EPB41L3: variants seen among roughly 807,000 people sequenced by gnomAD.
EPB41L3 encodes erythrocyte membrane protein band 4.1 like 3, also known as band 4.1-like protein 3.
A neutral mutation model predicts 127.1 loss-of-function variants in EPB41L3; 57 were observed. That is an observed-to-expected ratio of 0.45 (90% confidence interval 0.36 to 0.56). The LOEUF is 0.56. Ranked by LOEUF, EPB41L3 falls within the 20% of genes least tolerant of loss-of-function variation. The pLI, the probability that EPB41L3 is intolerant of heterozygous loss-of-function variation, is 0.00. For missense variants in EPB41L3, 1,273 were observed against 1,372.2 expected, an observed-to-expected ratio of 0.93 and a Z score of 1.14; for synonymous variants, 572 against 549.5, an observed-to-expected ratio of 1.04 and a Z score of -0.57.
At chr18:5,606,181 T>C (rs936841601) in intron 3 of EPB41L3, among the ~76,000 whole-genome samples, 7 of 152,164 alleles carry the variant, frequency 4.6e-5, no homozygotes, top group African/African-American at 1.4e-4. Flanking sequence ...ATGCAACATA[T>C]ACTTCCAGAT....
intron 3 of EPB41L3, among the ~76,000 whole-genome samples, chr18:5,584,896 A>T (rs1406405718): frequency 6.6e-6 from 1 of 152,230 alleles, no homozygotes; most frequent in Non-Finnish European, 1.5e-5. Context: ...AAATAAAAAA[A>T]TGAATATACA....
intron 2 of EPB41L3, among the ~76,000 whole-genome samples, 175 bp from the exon 3 acceptor site, chr18:5,478,613 C>T (rs1241692729): frequency 2.6e-5 from 4 of 152,130 alleles, no homozygotes; most frequent in Non-Finnish European, 5.9e-5. Context: ...ATACTGTTTG[C>T]CATTTAAATG....
chr18:5,453,452 A>G (rs1388252884), intron 3 of EPB41L3, among the ~76,000 whole-genome samples: 2 of 152,224 alleles, frequency 1.3e-5, no homozygotes. Flanking sequence ...GGATGCATGC[A>G]TGCATTTCTT....
intron 12 of EPB41L3, among the ~76,000 whole-genome samples, chr18:5,417,433 G>A (rs2076962029): frequency 6.6e-6 from 1 of 152,142 alleles, no homozygotes; most frequent in South Asian, 2.1e-4. Flanking sequence ...AGGGGAGGAA[G>A]GAAAGCACGC....
intron 1 of EPB41L3, among the ~76,000 whole-genome samples, chr18:5,533,857 T>G (rs1330518826): frequency 1.3e-5 from 2 of 151,844 alleles, no homozygotes; most frequent in African/African-American, 4.8e-5. Flanking sequence ...CCACAGAAGT[T>G]ATGGACCAGC....
chr18:5,533,132 T>A (rs1266146294), intron 1 of EPB41L3, among the ~76,000 whole-genome samples: 2 of 152,144 alleles, frequency 1.3e-5, no homozygotes, highest in East Asian at 3.9e-4. Flanking sequence ...TGATGACAAC[T>A]GGGGGAGGTT....
At chr18:5,580,496 G>T (rs1375224773) in intron 3 of EPB41L3, among the ~76,000 whole-genome samples, 1 of 151,754 alleles carries the variant, frequency 6.6e-6, no homozygotes, top group Non-Finnish European at 1.5e-5. Flanking sequence ...GCACATATAG[G>T]CACACATGTA....
intron 1 of EPB41L3, among the ~76,000 whole-genome samples, chr18:5,628,072 A>C (rs947420440): frequency 2.0e-5 from 3 of 152,202 alleles, no homozygotes; most frequent in African/African-American, 7.2e-5. Flanking sequence ...ATTATGTGTA[A>C]CGATATGGGC....
chr18:5,413,516 G>GA lies in EPB41L3; in HGVS notation c.2067+2301dup, dbSNP rs558256467. 1.4e-4 allele frequency among the ~76,000 whole-genome samples: 22 copies of GA among 152,312 alleles called. No individual in the cohort carries two copies. In the East Asian group the frequency reaches 4.0e-3, roughly 28 times the overall value. ...TTAATTAGTAGTGACTTGGCAAAACGAAAGTGACAAGGCTGAATTGTATGT... is the reference window on the plus strand; with the variant it reads ...TTAATTAGTAGTGACTTGGCAAAACGAAAAGTGACAAGGCTGAATTGTATGT... On this transcript the variant is annotated intron_variant, in intron 13 of 22. Coordinates refer to ENST00000341928, the MANE Select transcript of EPB41L3 (RefSeq NM_012307.5).
intron 6 of EPB41L3, among the ~76,000 whole-genome samples, chr18:5,436,593 G>A (rs1013321539): frequency 1.3e-5 from 2 of 151,490 alleles, no homozygotes; most frequent in African/African-American, 4.9e-5. Flanking sequence ...TATTTTTAGT[G>A]GAGACAGGGT....
Position 5,459,317 on chromosome 18 carries a change from A to G in EPB41L3, c.382-14073T>C, listed in dbSNP as rs563677772. Among the ~76,000 whole-genome samples the G allele has an allele frequency of 3.9e-5, 6 of 152,268 alleles. No homozygotes were observed. In the South Asian group the frequency reaches 1.2e-3, roughly 32 times the overall value. ...TCTGAAATATTGCCTAGATATTGTAACCATCTGGATCCCATTCATTGGCTT... is the reference window on the plus strand; with the variant it reads ...TCTGAAATATTGCCTAGATATTGTAGCCATCTGGATCCCATTCATTGGCTT... On this transcript the variant is annotated intron_variant, in intron 3 of 22. Coordinates refer to ENST00000341928, the MANE Select transcript of EPB41L3 (RefSeq NM_012307.5).
At chr18:5,601,710 C>G (rs2094593961) in intron 3 of EPB41L3, among the ~76,000 whole-genome samples, 2 of 152,172 alleles carry the variant, frequency 1.3e-5, no homozygotes, top group African/African-American at 4.8e-5. Flanking sequence ...CCCAGAAATC[C>G]AGTTCCATTC....
chr18:5,495,344 T>C (rs2091049332), intron 1 of EPB41L3, among the ~76,000 whole-genome samples: 1 of 147,028 alleles, frequency 6.8e-6, no homozygotes, highest in Non-Finnish European at 1.5e-5. Context: ...TTCATCAATA[T>C]GGAGACAAAG....
At chr18:5,414,146 AAAT>A (rs1172741159) in intron 13 of EPB41L3, among the ~76,000 whole-genome samples, 2 of 152,242 alleles carry the variant, frequency 1.3e-5, no homozygotes, top group Admixed American at 6.5e-5. Context: ...ATCAGCTAAT[AAAT>A]AATAACATTG....
At chr18:5,457,409 A>G (rs112071936) in intron 3 of EPB41L3, among the ~76,000 whole-genome samples, 324 of 150,628 alleles carry the variant, frequency 2.2e-3, no homozygotes, top group African/African-American at 7.2e-3. Flanking sequence ...GATCCTATAA[A>G]CCAGCTCTCC....
chr18:5,405,998 G>C (rs1310726238), intron 16 of EPB41L3, among the ~76,000 whole-genome samples: 1 of 152,136 alleles, frequency 6.6e-6, no homozygotes, highest in Middle Eastern at 3.2e-3. Flanking sequence ...GGCCAAGGTG[G>C]GTGGATCACT....
intron 3 of EPB41L3, among the ~76,000 whole-genome samples, chr18:5,551,768 G>A (rs946103317): frequency 6.6e-6 from 1 of 152,170 alleles, no homozygotes; most frequent in Non-Finnish European, 1.5e-5. Context: ...ACAGCTGGGT[G>A]ATAGGTACAT....
At chr18:5,506,966 C>G (rs1225151819) in intron 1 of EPB41L3, among the ~76,000 whole-genome samples, 2 of 152,068 alleles carry the variant, frequency 1.3e-5, no homozygotes, top group Non-Finnish European at 2.9e-5. Context: ...AAGGACAGTC[C>G]AACCTAGTGA....
At chr18:5,525,158 AC>A (rs1277971437) in intron 1 of EPB41L3, among the ~76,000 whole-genome samples, 1 of 152,100 alleles carries the variant, frequency 6.6e-6, no homozygotes, top group Non-Finnish European at 1.5e-5. Context: ...ATCCCTGATG[AC>A]CTTTCTTACA....
Sources: allele counts gnomAD v4.1 joint callset (sites outside exome capture counted in the v4.1 genomes callset), GRCh38; gene constraint gnomAD v4.1.1; transcripts MANE v1.5; gene names NCBI Gene and HGNC (gene_info 2026-07-23, HGNC 2026-07-21).